The following LTF variants were observed in gnomAD, a reference collection of about 807,000 sequenced individuals.
LTF encodes epididymis luminal protein 110.
A neutral mutation model predicts 87.2 loss-of-function variants in LTF; 91 were observed. That is an observed-to-expected ratio of 1.04 (90% confidence interval 0.88 to 1.24). The LOEUF (loss-of-function observed/expected upper bound fraction) is 1.24. LTF is among the 50% of genes most tolerant of loss of function. The probability of loss-of-function intolerance (pLI) is 0.00; values close to 1 mark genes in which losing one functional copy is unlikely to be tolerated. For synonymous variants in LTF, 378 were observed against 356.1 expected (o/e 1.06, Z -0.69); for missense variants, 901 against 904.3 (o/e 1.00, Z 0.05).
At chr3:46,452,587 T>A (rs1702829647) in intron 6 of LTF, among the ~76,000 whole-genome samples, 1 of 152,224 alleles carries the variant, frequency 6.6e-6, no homozygotes, top group African/African-American at 2.4e-5. Flanking sequence ...TCATTCTCTC[T>A]CTCTTCCTCT....
intron 1 of LTF, among the ~76,000 whole-genome samples, chr3:46,482,480 AGAAG>A (rs1703444782): frequency 1.7e-5 from 2 of 116,242 alleles, no homozygotes; most frequent in African/African-American, 6.8e-5. Context: ...AAAAGAAAGG[AGAAG>A]GAAGGGAAGG....
intron 1 of LTF, among the ~76,000 whole-genome samples, chr3:46,477,961 C>T (rs1206803661): frequency 1.3e-5 from 2 of 152,114 alleles, no homozygotes; most frequent in African/African-American, 4.8e-5. Context: ...GAGGGCCGAG[C>T]GGGAGCCACT....
chr3:46,449,836 C>G lies in LTF; in HGVS notation c.1057+18G>C. ...GACCACACCAGGCGGACCTCAGGACCCTCCTGGGCTCACTCACTTTTCCTC... is the reference window on the plus strand; with the variant it reads ...GACCACACCAGGCGGACCTCAGGACGCTCCTGGGCTCACTCACTTTTCCTC... On this transcript the variant is annotated intron_variant, in intron 8 of 16. Transcript: ENST00000231751. 7 of 1,613,772 alleles carry G rather than the reference C, an allele frequency of 4.3e-6. No homozygotes were observed. Among genetic ancestry groups the G allele is most frequent in the South Asian group, 2.2e-5 (2 of 91,016 alleles).
At position 46,449,985 on chromosome 3, in the gene LTF, C is replaced by G; in HGVS notation, c.926G>C (p.Gly309Ala). ...CAGATCTTTCTGCCCACTAGGGGAG[C>G]CAAAGAGCTGGAATTTCGGTGACTT... Reference protein sequence around the residue: ...KDKSPKFQLFGSPSGQKDLLF... With the variant: ...KDKSPKFQLFASPSGQKDLLF... The change falls in exon 8 of 17, where the codon GGC (glycine) becomes GCC (alanine). Residue 309 changes from glycine to alanine, a missense_variant. Coordinates refer to ENST00000231751, the MANE Select transcript of LTF (RefSeq NM_002343.6). 6.2e-7 allele frequency: 1 copy of G among 1,609,936 alleles called. No individual in the cohort carries two copies. Among genetic ancestry groups the G allele is most frequent in the African/African-American group, 1.3e-5 (1 of 74,826 alleles).
chr3:46,472,459 C>T (rs1703303768), intron 1 of LTF, among the ~76,000 whole-genome samples: 1 of 146,946 alleles, frequency 6.8e-6, no homozygotes, highest in African/African-American at 2.5e-5. Flanking sequence ...GGGTATTAAT[C>T]TCCAGAAAAT....
Position 46,455,783 on chromosome 3 carries a change from C to A in LTF, c.499+13G>T. ...CCTGCCTGAGGCCACTCACTATCCC[C>A]CAGCCATCTTACCTGCCTCAATGGG... On this transcript the variant is annotated intron_variant, in intron 4 of 16. Transcript: ENST00000231751. The A allele has an allele frequency of 1.3e-6, 2 of 1,551,176 alleles. No homozygotes were observed. Among genetic ancestry groups the A allele is most frequent in the South Asian group, 1.2e-5 (1 of 80,180 alleles).
Position 46,464,874 on chromosome 3 carries a change from G to C in LTF, c.-7C>G. 6.2e-7 allele frequency: 1 copy of C among 1,613,956 alleles called. No homozygotes were observed. The highest frequency in any genetic ancestry group is 8.5e-7 in the Non-Finnish European group (1 of 1,179,968). The stretch of plus-strand genomic sequence containing the variant: ...CGAGGAAGACAAGTTTCATGTCTGC[G>C]GTCTGGAGGCGACTTGGCAAACGAA... On this transcript the variant is annotated 5_prime_UTR_variant, in exon 1 of 17. Coordinates refer to ENST00000231751, the MANE Select transcript of LTF (RefSeq NM_002343.6).
At chr3:46,467,089 C>T (rs376725521), upstream of LTF, among the ~76,000 whole-genome samples, 1 of 152,298 alleles carries the variant, frequency 6.6e-6, no homozygotes, top group East Asian at 1.9e-4. Flanking sequence ...AGCCCAGCCC[C>T]AGGGCAGGGA....
intron 2 of LTF, among the ~76,000 whole-genome samples, chr3:46,456,958 C>T (rs4683229): frequency 0.19 from 29,094 of 152,046 alleles, 4,453 homozygotes; most frequent in African/African-American, 0.41. Flanking sequence ...GGGATGAAAC[C>T]GTTCCACCTC....
chr3:46,445,471 C>A (rs1463663034), intron 11 of LTF, 35 bp from the exon 12 acceptor site: 1 of 1,583,152 alleles, frequency 6.3e-7, no homozygotes, highest in South Asian at 1.2e-5. Context: ...CAAGTCTTAA[C>A]CTCCAGGAGG....
intron 1 of LTF, among the ~76,000 whole-genome samples, chr3:46,483,995 C>G (rs916970681): frequency 3.9e-5 from 6 of 152,080 alleles, no homozygotes; most frequent in African/African-American, 1.4e-4. Context: ...TGACTTTGGC[C>G]TCATAAATAA....
chr3:46,439,917 A>G (rs1021518019), intron 14 of LTF, among the ~76,000 whole-genome samples: 5 of 152,186 alleles, frequency 3.3e-5, no homozygotes, highest in Admixed American at 3.3e-4. Flanking sequence ...CTCAAAAAAA[A>G]AAACCCACCA....
At position 46,448,891 on chromosome 3, in the gene LTF, G is replaced by A; in HGVS notation, c.1184C>T (p.Thr395Ile). Residue 395 changes from threonine to isoleucine, a missense_variant, in exon 9 of 17, where the codon ACC (threonine) becomes ATC (isoleucine). Thr to Ile is a moderately conservative substitution (Grantham distance 89). Coordinates refer to ENST00000231751, the MANE Select transcript of LTF (RefSeq NM_002343.6). The stretch of plus-strand genomic sequence containing the variant: ...CACCAGGGCGATGCAGTCCTCTGTG[G>A]TGGAGGCCGAGGAGCAGGTCACGCT... ...EGSVTCSSAS[T>I]TEDCIALVLK... 1 of 1,613,650 alleles carries A rather than the reference G, an allele frequency of 6.2e-7. No homozygotes were observed. The highest frequency in any genetic ancestry group is 8.5e-7 in the Non-Finnish European group (1 of 1,179,888).
rs550953575 is a variant in LTF, at chr3:46,447,685, GA to G, written c.1213-288del. Among the ~76,000 whole-genome samples, 324 of 152,304 alleles carry G rather than the reference GA, an allele frequency of 2.1e-3. 1 individual carries two copies. The highest frequency in any genetic ancestry group is 3.9e-3 in the Non-Finnish European group (265 of 68,028). ...TTTTCTGTGTCCCTGGCACTTTGGG[GA>G]CACCTTCCTGGAGCAGTCTCACTGA... On this transcript the variant is annotated intron_variant, in intron 9 of 16. Coordinates refer to ENST00000231751, the MANE Select transcript of LTF (RefSeq NM_002343.6).
chr3:46,449,542 T>G (rs1277166774), intron 8 of LTF, among the ~76,000 whole-genome samples: 1 of 152,104 alleles, frequency 6.6e-6, no homozygotes, highest in Non-Finnish European at 1.5e-5. Flanking sequence ...GAAGTGTGGG[T>G]AAATCCAGGC....
At chr3:46,479,659 G>A (rs1258174295) in intron 1 of LTF, among the ~76,000 whole-genome samples, 2 of 152,168 alleles carry the variant, frequency 1.3e-5, no homozygotes, top group Non-Finnish European at 2.9e-5. Context: ...AAGTAGCAGG[G>A]ATTACAGGCA....
intron 1 of LTF, among the ~76,000 whole-genome samples, chr3:46,473,818 T>G (rs1703323724): frequency 6.6e-6 from 1 of 152,204 alleles, no homozygotes; most frequent in Non-Finnish European, 1.5e-5. Flanking sequence ...CTTTTGCCAT[T>G]TAAGCTAACA....
At chr3:46,454,381 A>G (rs749236834) in intron 5 of LTF, 21 bp from the exon 6 acceptor site, 1 of 1,611,908 alleles carries the variant, frequency 6.2e-7, no homozygotes, top group Non-Finnish European at 8.5e-7. Flanking sequence ...AGAAACCATC[A>G]GGGGTAAGCA....
In LTF at chr3:46,439,357, T is replaced by C. The variant is rs767796258; in HGVS notation, c.1847A>G (p.His616Arg). ...CTTATCCATCCGAGACACCACGGCATGATTCGGGGCCATGGCAAGATGGCA... is the reference window on the plus strand; with the variant it reads ...CTTATCCATCCGAGACACCACGGCACGATTCGGGGCCATGGCAAGATGGCA... ...RSCHLAMAPNHAVVSRMDKVE... is the reference protein window; with the variant it reads ...RSCHLAMAPNRAVVSRMDKVE... Residue 616 changes from histidine to arginine, a missense_variant, in exon 15 of 17, where the codon CAT becomes CGT. Physicochemically the swap from His to Arg is conservative, Grantham distance 29. Transcript: ENST00000231751. The C allele has an allele frequency of 6.2e-6, 10 of 1,614,252 alleles. No homozygotes were observed. Among genetic ancestry groups the C allele is most frequent in the Middle Eastern group, 3.3e-4 (2 of 6,062 alleles).
Sources: allele counts gnomAD v4.1 joint callset (sites outside exome capture counted in the v4.1 genomes callset), GRCh38; gene constraint gnomAD v4.1.1; transcripts MANE v1.5; gene names NCBI Gene and HGNC (gene_info 2026-07-23, HGNC 2026-07-21).